Variants in POU2F2 observed in about 807,000 individuals in gnomAD.
The protein encoded by POU2F2 is POU domain, class 2, transcription factor 2.
A neutral mutation model predicts 63.5 loss-of-function variants in POU2F2; 14 were observed. The ratio of observed to expected loss-of-function variants is 0.22; its 90% CI spans 0.15 to 0.34. The LOEUF is 0.34. POU2F2 is among the 10% of genes least tolerant of loss of function. The pLI, the probability that POU2F2 is intolerant of heterozygous loss-of-function variation, is 1.00. For synonymous variants in POU2F2, 306 were observed against 348.6 expected, an observed-to-expected ratio of 0.88 and a Z score of 1.36; for missense variants, 607 against 815.2, an observed-to-expected ratio of 0.74 and a Z score of 3.11.
intron 1 of POU2F2, among the ~76,000 whole-genome samples, chr19:42,193,206 A>G (rs1290642414): frequency 1.4e-5 from 2 of 146,628 alleles, no homozygotes; most frequent in African/African-American, 5.1e-5. Context: ...CGACAGAACG[A>G]GACTCCGTCT....
Position 42,146,929 on chromosome 19 carries a change from C to T in POU2F2, c.-9+13403G>A, listed in dbSNP as rs116953484. Among the ~76,000 whole-genome samples, 1,158 of 152,274 alleles carry T rather than the reference C, an allele frequency of 7.6e-3. 8 individuals are homozygous for T. The highest frequency in any genetic ancestry group is 0.014 in the Non-Finnish European group (934 of 68,022). Reference sequence around the variant, plus strand: ...ATTCCAAAAGCGCTGTCTGATTCCTCCACTCCTCCCACTGCAGTCCAGGCC... The same window carrying T: ...ATTCCAAAAGCGCTGTCTGATTCCTTCACTCCTCCCACTGCAGTCCAGGCC... On this transcript the variant is annotated intron_variant, in intron 2 of 6. Coordinates refer to the POU2F2 transcript ENST00000524801.
chr19:42,161,864 G>A (rs766972495), intron 1 of POU2F2, among the ~76,000 whole-genome samples: 14 of 152,178 alleles, frequency 9.2e-5, no homozygotes, highest in Admixed American at 5.2e-4. Flanking sequence ...GCTAATCAGC[G>A]GCTGTCATCT....
chr19:42,182,382 A>G (rs910857973), intron 1 of POU2F2, among the ~76,000 whole-genome samples: 8 of 151,672 alleles, frequency 5.3e-5, no homozygotes, highest in African/African-American at 1.9e-4. Context: ...CAAGGACAGG[A>G]GGAGAATGGG....
chr19:42,098,682 A>G (rs1230853292), intron 7 of POU2F2, among the ~76,000 whole-genome samples: 1 of 152,256 alleles, frequency 6.6e-6, no homozygotes, highest in Non-Finnish European at 1.5e-5. Context: ...TTGGGATTTC[A>G]GAACTGCAGT....
chr19:42,159,126 G>A (rs2034508755), intron 2 of POU2F2, among the ~76,000 whole-genome samples: 1 of 152,168 alleles, frequency 6.6e-6, no homozygotes, highest in Admixed American at 6.5e-5. Context: ...CCTGAAATAT[G>A]TTGTTTGGAC....
intron 1 of POU2F2, among the ~76,000 whole-genome samples, chr19:42,167,336 C>T (rs1353806846): frequency 1.3e-5 from 2 of 151,974 alleles, no homozygotes; most frequent in African/African-American, 4.8e-5. Context: ...CGCCTGTAGT[C>T]CCAGCTACTC....
intron 1 of POU2F2, among the ~76,000 whole-genome samples, chr19:42,165,692 A>G (rs527962102): frequency 6.6e-6 from 1 of 152,208 alleles, no homozygotes; most frequent in African/African-American, 2.4e-5. Context: ...TAGCATGAAG[A>G]TAATAATAAC....
chr19:42,091,218 C>G lies in POU2F2; in HGVS notation c.*39G>C, dbSNP rs1599909584. 6.7e-7 allele frequency: 1 copy of G among 1,495,952 alleles called. No individual in the cohort carries two copies. The highest frequency in any genetic ancestry group is 2.0e-5 in the Admixed American group (1 of 48,874). 92.7% of individuals were successfully genotyped at this position (1,495,952 alleles called of 1,614,324 possible). On this transcript the variant is annotated 3_prime_UTR_variant, in exon 15 of 15. Coordinates refer to ENST00000692977, the MANE Select transcript of POU2F2 (RefSeq NM_001394376.1). Reference sequence around the variant, plus strand: ...CCTCTTCCCAGGCAAGGGACCAAGGCAGGGACCAGAGGAATGGGAGGGGAG... The same window carrying G: ...CCTCTTCCCAGGCAAGGGACCAAGGGAGGGACCAGAGGAATGGGAGGGGAG...
At chr19:42,183,545 T>C (rs2034985284) in intron 1 of POU2F2, among the ~76,000 whole-genome samples, 1 of 152,240 alleles carries the variant, frequency 6.6e-6, no homozygotes, top group African/African-American at 2.4e-5. Context: ...TGTAAACTCA[T>C]TAAACTGTAC....
Position 42,110,521 on chromosome 19 carries a change from G to A in POU2F2, c.369+6729C>T, listed in dbSNP as rs190052152. The A allele has an allele frequency of 5.3e-5, 10 of 189,158 alleles. No homozygotes were observed. The East Asian group carries it at 1.5e-3, about 28-fold the overall frequency. The allele number at this position is 189,158 out of a possible 1,614,324, so 11.7% of individuals were successfully genotyped here. A position where few individuals can be genotyped will look rare whatever the true frequency, so the allele number is the denominator to read the frequency against. ...AGGGTCCCTTCCAGCTTGGAAACTC[G>A]GGGGTTTGAGCCTTAGCCCTCTCAC... On this transcript the variant is annotated intron_variant, in intron 5 of 14. Coordinates refer to ENST00000692977, the MANE Select transcript of POU2F2 (RefSeq NM_001394376.1).
intron 1 of POU2F2, among the ~76,000 whole-genome samples, chr19:42,167,887 C>A (rs1262539467): frequency 1.3e-5 from 2 of 152,218 alleles, no homozygotes; most frequent in African/African-American, 2.4e-5. Context: ...CTTGACAGGG[C>A]TTTGTCAGGG....
At chr19:42,106,047 CTTTCTTCTTTCTTTCTT>C (rs2029893381) in intron 5 of POU2F2, among the ~76,000 whole-genome samples, 1 of 131,054 alleles carries the variant, frequency 7.6e-6, no homozygotes, top group Non-Finnish European at 1.6e-5. Context: ...TTCTTTCTTT[CTTTCTTCTTTCTTTCTT>C]TTTCTTTCTT....
chr19:42,167,494 T>C (rs1309486832), intron 1 of POU2F2, among the ~76,000 whole-genome samples: 2 of 149,274 alleles, frequency 1.3e-5, no homozygotes, highest in Admixed American at 6.7e-5. Context: ...ATTTTAAACA[T>C]AAAGGAAAAG....
At chr19:42,148,837 G>C (rs940071960) in intron 2 of POU2F2, among the ~76,000 whole-genome samples, 2 of 148,718 alleles carry the variant, frequency 1.3e-5, no homozygotes, top group Non-Finnish European at 3.0e-5. Flanking sequence ...CCAGACACCA[G>C]TGATGTCACG....
chr19:42,098,178 C>T lies in POU2F2; in HGVS notation c.567+1349G>A, dbSNP rs537911185. The stretch of plus-strand genomic sequence containing the variant: ...CTGTAATCCGAGCACTTTAGGAGGC[C>T]GAGGCAGGTGGATCACCTGAAGTCA... On this transcript the variant is annotated intron_variant, in intron 7 of 14. Coordinates refer to ENST00000692977, the MANE Select transcript of POU2F2 (RefSeq NM_001394376.1). Among the ~76,000 whole-genome samples the T allele has an allele frequency of 5.3e-5, 8 of 152,206 alleles. No individual in the cohort carries two copies. In the South Asian group the frequency reaches 1.2e-3, roughly 24 times the overall value.
chr19:42,168,058 A>C (rs1463640004), intron 1 of POU2F2, among the ~76,000 whole-genome samples: 1 of 152,172 alleles, frequency 6.6e-6, no homozygotes, highest in African/African-American at 2.4e-5. Context: ...ATTCCCTAGC[A>C]AATCTCCATT....
intron 1 of POU2F2, among the ~76,000 whole-genome samples, chr19:42,174,774 C>G (rs540697938): frequency 1.3e-5 from 2 of 152,010 alleles, no homozygotes; most frequent in Non-Finnish European, 2.9e-5. Flanking sequence ...ACCAGCCCCC[C>G]ACTGCACACT....
At chr19:42,132,307 G>C in intron 1 of POU2F2, 77 bp downstream of exon 1, 1 of 1,476,180 alleles carries the variant, frequency 6.8e-7, no homozygotes, top group Non-Finnish European at 9.3e-7. Context: ...GAGGAGGAGG[G>C]GCAGGCAGGG....
At chr19:42,161,570 G>GACTGAGAAGCTCAA (rs2146787616) in intron 1 of POU2F2, among the ~76,000 whole-genome samples, 1 of 152,054 alleles carries the variant, frequency 6.6e-6, no homozygotes, top group South Asian at 2.1e-4. Flanking sequence ...GAAAAAGATG[G>GACTGAGAAGCTCAA]ACTGAGAAGG....
Sources: gnomAD v4.1 joint callset for allele counts (sites outside exome capture counted in the v4.1 genomes callset) on GRCh38, gnomAD v4.1.1 for gene constraint, MANE v1.5 for transcripts, NCBI Gene and HGNC (gene_info 2026-07-23, HGNC 2026-07-21) for gene names.